Variants in SGCZ observed in about 807,000 individuals in gnomAD.
SGCZ encodes the protein zeta-sarcoglycan.
SGCZ carries 40 observed loss-of-function variants against 41.3 expected under a neutral mutation model. That is an observed-to-expected ratio of 0.97 (90% confidence interval 0.75 to 1.26). The LOEUF (loss-of-function observed/expected upper bound fraction) is 1.26, where lower values mean the gene tolerates loss of function less well. SGCZ is among the 50% of genes most tolerant of loss of function. SGCZ has a pLI of 0.00. For synonymous variants in SGCZ, 206 were observed against 137.5 expected, an observed-to-expected ratio of 1.50 and a Z score of -3.49; for missense variants, 552 against 369.8, an observed-to-expected ratio of 1.49 and a Z score of -4.04.
chr8:14,411,204 A>C (rs976849459), intron 2 of SGCZ, among the ~76,000 whole-genome samples: 2 of 152,158 alleles, frequency 1.3e-5, no homozygotes, highest in African/African-American at 4.8e-5. Flanking sequence ...GACCATAAGC[A>C]TGTTCTCTCC....
intron 1 of SGCZ, among the ~76,000 whole-genome samples, chr8:14,987,925 G>A (rs17120673): frequency 6.6e-6 from 1 of 151,922 alleles, no homozygotes; most frequent in Non-Finnish European, 1.5e-5. Context: ...AATTTTGTCA[G>A]TGTCGTCTCA....
At chr8:14,493,323 C>G (rs950582408) in intron 2 of SGCZ, among the ~76,000 whole-genome samples, 2 of 118,404 alleles carry the variant, frequency 1.7e-5, no homozygotes, top group African/African-American at 6.2e-5. Flanking sequence ...GGACTTTGGT[C>G]TTCTTATTCA....
intron 4 of SGCZ, among the ~76,000 whole-genome samples, chr8:14,195,060 A>T (rs530734258): frequency 6.6e-6 from 1 of 152,254 alleles, no homozygotes; most frequent in Non-Finnish European, 1.5e-5. Context: ...TACATCAAAT[A>T]TTGAAAGATT....
Position 14,676,346 on chromosome 8 carries a change from A to ATGTGTGTGTGTG in SGCZ, c.40-121432_40-121421dup, listed in dbSNP as rs33909996. Among the ~76,000 whole-genome samples, 1,026 of 149,408 alleles carry ATGTGTGTGTGTG rather than the reference A, an allele frequency of 6.9e-3. 15 individuals carry two copies. The highest frequency in any genetic ancestry group is 0.027 in the Middle Eastern group (8 of 294). ...TCCCACCTCTACAAAAATGAAATAG[A>ATGTGTGTGTGTG]TGTGTGTGTGTGTGTGTGTGTGTAT... On this transcript the variant is annotated intron_variant, in intron 1 of 7. Coordinates refer to ENST00000382080, the MANE Select transcript of SGCZ (RefSeq NM_139167.4).
chr8:15,154,553 A>G (rs1315844932), intron 1 of SGCZ, among the ~76,000 whole-genome samples: 1 of 152,226 alleles, frequency 6.6e-6, no homozygotes, highest in Non-Finnish European at 1.5e-5. Context: ...ATAGTCTATC[A>G]TGGAGTAAAC....
chr8:14,688,334 A>C (rs1211298344), intron 1 of SGCZ, among the ~76,000 whole-genome samples: 4 of 152,060 alleles, frequency 2.6e-5, no homozygotes, highest in East Asian at 1.9e-4. Flanking sequence ...TTAGGTCTAA[A>C]GTTTATGTCT....
chr8:14,721,213 G>T (rs890874214), intron 1 of SGCZ, among the ~76,000 whole-genome samples: 52 of 152,212 alleles, frequency 3.4e-4, no homozygotes, highest in African/African-American at 1.2e-3. Flanking sequence ...TTTATTTGGT[G>T]ATTGCATCTA....
chr8:14,158,622 T>A (rs1318186585), intron 5 of SGCZ, among the ~76,000 whole-genome samples: 2 of 152,200 alleles, frequency 1.3e-5, no homozygotes, highest in Admixed American at 6.5e-5. Flanking sequence ...TTTGACTTAC[T>A]GTTACTGGAG....
At chr8:14,602,684 A>G (rs529158505) in intron 1 of SGCZ, among the ~76,000 whole-genome samples, 31 of 152,076 alleles carry the variant, frequency 2.0e-4, no homozygotes, top group Non-Finnish European at 4.3e-4. Flanking sequence ...TCCTTTCTCT[A>G]TGCTTCTCTG....
At chr8:14,505,307 T>TG (rs745984698) in intron 2 of SGCZ, among the ~76,000 whole-genome samples, 231 of 152,256 alleles carry the variant, frequency 1.5e-3, no homozygotes, top group Non-Finnish European at 2.7e-3. Flanking sequence ...CCTGGTATGA[T>TG]GCAAGTGTAA....
At chr8:14,386,220 G>A (rs1804571559) in intron 2 of SGCZ, among the ~76,000 whole-genome samples, 1 of 151,778 alleles carries the variant, frequency 6.6e-6, no homozygotes, top group South Asian at 2.1e-4. Context: ...AAGGTTGAAT[G>A]CCTGATATAA....
intron 3 of SGCZ, among the ~76,000 whole-genome samples, chr8:14,242,799 G>C (rs1443670734): frequency 1.3e-5 from 2 of 152,080 alleles, no homozygotes; most frequent in Admixed American, 1.3e-4. Flanking sequence ...AATATGCCCT[G>C]TCTACCACGA....
At chr8:15,151,768 A>G (rs1460784276) in intron 1 of SGCZ, among the ~76,000 whole-genome samples, 1 of 152,228 alleles carries the variant, frequency 6.6e-6, no homozygotes, top group East Asian at 1.9e-4. Context: ...AGCACTGAAT[A>G]AATATATTGA....
At chr8:15,107,014 T>A (rs1554457469) in intron 1 of SGCZ, among the ~76,000 whole-genome samples, 1 of 152,202 alleles carries the variant, frequency 6.6e-6, no homozygotes, top group Non-Finnish European at 1.5e-5. Flanking sequence ...ATTGATGGAT[T>A]ACTACTGCTG....
At chr8:14,638,968 G>A (rs1490656635) in intron 1 of SGCZ, among the ~76,000 whole-genome samples, 5 of 150,206 alleles carry the variant, frequency 3.3e-5, no homozygotes, top group Admixed American at 1.3e-4. Flanking sequence ...AATAATATCC[G>A]AAAAGTAAGA....
intron 1 of SGCZ, among the ~76,000 whole-genome samples, chr8:15,224,666 C>G (rs903823416): frequency 6.6e-6 from 1 of 152,116 alleles, no homozygotes; most frequent in African/African-American, 2.4e-5. Context: ...TAAAATCTAA[C>G]TATATGCTGC....
chr8:14,787,593 TC>T (rs1336850285), intron 1 of SGCZ, among the ~76,000 whole-genome samples: 1 of 152,094 alleles, frequency 6.6e-6, no homozygotes, highest in Non-Finnish European at 1.5e-5. Context: ...ACCCCTGTAA[TC>T]CCAGCACTTT....
In SGCZ at chr8:15,014,027, C is replaced by A. The variant is rs187441398; in HGVS notation, c.39+223558G>T. Among the ~76,000 whole-genome samples, 10 of 152,272 alleles carry A rather than the reference C, an allele frequency of 6.6e-5. No homozygotes were observed. The East Asian group carries it at 1.4e-3, about 21-fold the overall frequency. On this transcript the variant is annotated intron_variant, in intron 1 of 7. Coordinates refer to ENST00000382080, the MANE Select transcript of SGCZ (RefSeq NM_139167.4). The stretch of plus-strand genomic sequence containing the variant: ...AGTTCAATCCCAAACGGGTGAAAAT[C>A]CACTCAGTTTATCAGGATTAGTGAG...
intron 3 of SGCZ, among the ~76,000 whole-genome samples, chr8:14,304,290 G>T (rs1801283343): frequency 6.6e-6 from 1 of 151,566 alleles, no homozygotes; most frequent in African/African-American, 2.4e-5. Flanking sequence ...AAAAAGTAAA[G>T]AAAATTTTAA....
Sources: gnomAD v4.1 joint callset for allele counts (sites outside exome capture counted in the v4.1 genomes callset) on GRCh38, gnomAD v4.1.1 for gene constraint, MANE v1.5 for transcripts, NCBI Gene and HGNC (gene_info 2026-07-23, HGNC 2026-07-21) for gene names.